The following NFKB1 variants were observed in gnomAD, a reference collection of about 807,000 sequenced individuals.
NFKB1 encodes the protein nuclear factor NF-kappa-B p105 subunit.
In NFKB1, 9 loss-of-function variants were observed where a neutral mutation model predicts 105.1. The ratio of observed to expected loss-of-function variants is 0.09; its 90% CI spans 0.05 to 0.15. NFKB1 has a LOEUF of 0.15. Among genes scored for constraint, NFKB1 ranks in the 10% least tolerant of loss-of-function variants. NFKB1 has a pLI of 1.00. For missense variants in NFKB1, 830 were observed against 1,203.7 expected (o/e 0.69, Z 4.59); for synonymous variants, 440 against 442.2 (o/e 1.00, Z 0.06).
intron 5 of NFKB1, among the ~76,000 whole-genome samples, chr4:102,560,723 C>T (rs1015309528): frequency 1.3e-5 from 2 of 152,116 alleles, no homozygotes; most frequent in African/African-American, 4.8e-5. Flanking sequence ...TGGGTTATGT[C>T]ACTTTGTTAA....
In NFKB1 at chr4:102,576,998, C is replaced by A; in HGVS notation, c.530C>A (p.Ala177Asp). The A allele has an allele frequency of 6.2e-7, 1 of 1,612,880 alleles. No homozygotes were observed. Among genetic ancestry groups the A allele is most frequent in the Non-Finnish European group, 8.5e-7 (1 of 1,179,688 alleles). The change falls in exon 7 of 24, where the codon GCC (alanine) becomes GAC (aspartate). Residue 177 changes from alanine (A) to aspartate (D), a missense_variant. Transcript: ENST00000226574. ...GGACTCTTGGTGCACCCTGACCTTG[C>A]CTATTTGCAAGCAGAAGGTGGAGGG... The part of the protein sequence containing the change: ...NPGLLVHPDL[A>D]YLQAEGGGDR...
At chr4:102,507,708 C>T (rs1170219496) in intron 1 of NFKB1, among the ~76,000 whole-genome samples, 1 of 152,076 alleles carries the variant, frequency 6.6e-6, no homozygotes, top group Non-Finnish European at 1.5e-5. Context: ...GAGCATACCT[C>T]TATAATGTCC....
chr4:102,566,440 G>A (rs184595490), intron 5 of NFKB1, among the ~76,000 whole-genome samples: 99 of 152,212 alleles, frequency 6.5e-4, no homozygotes, highest in Admixed American at 1.4e-3. Context: ...GATGACTGGA[G>A]GCCAAGTCCT....
At chr4:102,584,429 A>G (rs1434852033) in intron 10 of NFKB1, among the ~76,000 whole-genome samples, 1 of 152,234 alleles carries the variant, frequency 6.6e-6, no homozygotes, top group East Asian at 1.9e-4. Flanking sequence ...TGAAATAGAC[A>G]AATGAAATAA....
intron 6 of NFKB1, among the ~76,000 whole-genome samples, chr4:102,575,678 G>T (rs1724762518): frequency 6.6e-6 from 1 of 152,082 alleles, no homozygotes; most frequent in African/African-American, 2.4e-5. Flanking sequence ...CTTCCTTCAA[G>T]TTTTTGCTCA....
At chr4:102,532,303 A>T (rs1005335747) in intron 3 of NFKB1, among the ~76,000 whole-genome samples, 1 of 152,088 alleles carries the variant, frequency 6.6e-6, no homozygotes, top group African/African-American at 2.4e-5. Context: ...CTCTAGCCTT[A>T]TCCTGATTTA....
At chr4:102,509,332 C>T (rs1015080136) in intron 1 of NFKB1, among the ~76,000 whole-genome samples, 2 of 152,158 alleles carry the variant, frequency 1.3e-5, no homozygotes, top group African/African-American at 4.8e-5. Flanking sequence ...TAATCATTTA[C>T]CCTGCAGTTA....
At chr4:102,524,995 G>A (rs117163215) in intron 1 of NFKB1, among the ~76,000 whole-genome samples, 4 of 152,300 alleles carry the variant, frequency 2.6e-5, no homozygotes, top group East Asian at 3.9e-4. Flanking sequence ...AGAGGACAGA[G>A]CCTGGTACAC....
intron 9 of NFKB1, 67 bp downstream of exon 9, chr4:102,580,706 T>A: frequency 7.8e-7 from 1 of 1,274,866 alleles, no homozygotes; most frequent in Non-Finnish European, 1.1e-6. Flanking sequence ...TCTGAGTGTG[T>A]CTGTGAGTCA....
intron 5 of NFKB1, among the ~76,000 whole-genome samples, chr4:102,544,719 A>G (rs1346943396): frequency 6.6e-6 from 1 of 152,198 alleles, no homozygotes; most frequent in African/African-American, 2.4e-5. Context: ...CGCTGTATAT[A>G]TTCAAAGTCA....
chr4:102,539,142 C>T (rs992322123), intron 5 of NFKB1, among the ~76,000 whole-genome samples: 14 of 147,236 alleles, frequency 9.5e-5, no homozygotes, highest in Non-Finnish European at 1.8e-4. Context: ...GAGGCTGAGG[C>T]ACAAGAATCG....
chr4:102,563,607 T>A (rs1723612267), intron 5 of NFKB1, among the ~76,000 whole-genome samples: 1 of 152,166 alleles, frequency 6.6e-6, no homozygotes, highest in South Asian at 2.1e-4. Context: ...TATTTAGTCC[T>A]CACAACAACC....
chr4:102,547,336 G>C (rs1722218738), intron 5 of NFKB1, among the ~76,000 whole-genome samples: 1 of 152,176 alleles, frequency 6.6e-6, no homozygotes, highest in Admixed American at 6.5e-5. Context: ...GGAGTAAGAG[G>C]TGTCTAGTTG....
At chr4:102,580,424 T>C in intron 8 of NFKB1, 111 bp from the exon 9 acceptor site, 1 of 765,248 alleles carries the variant, frequency 1.3e-6, no homozygotes, top group Non-Finnish European at 2.3e-6. Flanking sequence ...TGAAAGCATG[T>C]ATTTAAGCTT....
chr4:102,576,624 T>C (rs932318006), intron 6 of NFKB1, among the ~76,000 whole-genome samples: 6 of 152,184 alleles, frequency 3.9e-5, no homozygotes, highest in African/African-American at 7.2e-5. Flanking sequence ...GAGGAAATAC[T>C]AACGTGTTTG....
intron 1 of NFKB1, among the ~76,000 whole-genome samples, chr4:102,525,204 AG>A (rs1560641024): frequency 6.6e-6 from 1 of 152,124 alleles, no homozygotes; most frequent in Admixed American, 6.6e-5. Flanking sequence ...TAAGAATCCC[AG>A]TATGTATGAT....
At position 102,525,564 on chromosome 4, in the gene NFKB1, G is replaced by A. The variant is rs756387050; in HGVS notation, c.39+7G>A. 4.5e-5 allele frequency: 72 copies of A among 1,608,224 alleles called. No homozygotes were observed. Among genetic ancestry groups the A allele is most frequent in the Non-Finnish European group, 6.0e-5 (70 of 1,176,362 alleles). ...TTTGGGAAGGCCTGAACAAGTAAGT[G>A]TCATAATCTCACTGATAACTTTATT... On this transcript the variant is annotated splice_region_variant and intron_variant, in intron 2 of 23. Coordinates refer to ENST00000226574, the MANE Select transcript of NFKB1 (RefSeq NM_003998.4).
Position 102,584,786 on chromosome 4 carries a change from A to T in NFKB1, c.1032A>T (p.Glu344Asp), listed in dbSNP as rs370636374. The T allele has an allele frequency of 6.2e-7, 1 of 1,612,666 alleles. No homozygotes were observed. Among genetic ancestry groups the T allele is most frequent in the Non-Finnish European group, 8.5e-7 (1 of 1,179,268 alleles). The change falls in exon 11 of 24, where the codon GAA becomes GAT. Residue 344 changes from glutamate to aspartate, a missense_variant. Coordinates refer to ENST00000226574, the MANE Select transcript of NFKB1 (RefSeq NM_003998.4). The stretch of plus-strand genomic sequence containing the variant: ...GGAAATCTGACTTGGAAACTAGTGA[A>T]CCAAAACCTTTCCTCTACTATCCTG... ...LRRKSDLETS[E>D]PKPFLYYPEI... is the part of the protein sequence containing the mutation.
At chr4:102,593,011 T>C (rs555648135) in intron 11 of NFKB1, among the ~76,000 whole-genome samples, 2 of 152,222 alleles carry the variant, frequency 1.3e-5, no homozygotes, top group Admixed American at 6.5e-5. Flanking sequence ...TGCTTTTTTT[T>C]ATTTCCAGCA....
Sources: allele counts gnomAD v4.1 joint callset (sites outside exome capture counted in the v4.1 genomes callset), GRCh38; gene constraint gnomAD v4.1.1; transcripts MANE v1.5; gene names NCBI Gene and HGNC (gene_info 2026-07-23, HGNC 2026-07-21).